The following SCFD2 variants were observed in gnomAD, a reference collection of about 807,000 sequenced individuals.
SCFD2 encodes the protein sec1 family domain-containing protein 2.
A neutral mutation model predicts 58.9 loss-of-function variants in SCFD2; 54 were observed. That is an observed-to-expected ratio of 0.92 (90% CI 0.74 to 1.15). SCFD2 has a LOEUF of 1.15. Ranked by LOEUF, SCFD2 falls within the 50% of genes most tolerant of loss-of-function variation. The pLI is 0.00. For missense variants in SCFD2, 805 were observed against 836.6 expected (o/e 0.96, Z 0.47); for synonymous variants, 321 against 335.9 (o/e 0.96, Z 0.49).
At chr4:53,236,603 A>G (rs189626613) in intron 4 of SCFD2, among the ~76,000 whole-genome samples, 3 of 150,434 alleles carry the variant, frequency 2.0e-5, no homozygotes, top group Admixed American at 2.0e-4. Context: ...ACTAAATTGC[A>G]GTTCAAAATG....
At chr4:52,919,044 C>T (rs1719673419) in intron 6 of SCFD2, among the ~76,000 whole-genome samples, 1 of 152,188 alleles carries the variant, frequency 6.6e-6, no homozygotes, top group Non-Finnish European at 1.5e-5. Context: ...AAGGGAAACT[C>T]CATTTTCCAA....
intron 3 of SCFD2, among the ~76,000 whole-genome samples, chr4:53,280,946 AAC>A (rs1293355177): frequency 1.3e-5 from 2 of 152,186 alleles, no homozygotes; most frequent in Admixed American, 6.5e-5. Flanking sequence ...ACAGCAGCTA[AAC>A]ACAAAGTAAA....
intron 4 of SCFD2, among the ~76,000 whole-genome samples, chr4:53,176,721 G>A (rs191929299): frequency 2.5e-3 from 386 of 152,236 alleles, no homozygotes; most frequent in African/African-American, 8.8e-3. Context: ...AGTCCAAGGC[G>A]GGTGAATCAC....
intron 4 of SCFD2, among the ~76,000 whole-genome samples, chr4:53,231,450 GGT>G (rs1191301175): frequency 6.6e-6 from 1 of 152,136 alleles, no homozygotes; most frequent in Non-Finnish European, 1.5e-5. Context: ...TCCATTTGGA[GGT>G]CATTTCATAA....
chr4:53,235,084 G>T (rs1577874387), intron 4 of SCFD2, among the ~76,000 whole-genome samples: 1 of 152,220 alleles, frequency 6.6e-6, no homozygotes, highest in African/African-American at 2.4e-5. Context: ...CAGGAAGAAA[G>T]GGGATAAGGG....
At chr4:53,038,049 G>T (rs1722807673) in intron 5 of SCFD2, among the ~76,000 whole-genome samples, 1 of 152,056 alleles carries the variant, frequency 6.6e-6, no homozygotes, top group African/African-American at 2.4e-5. Context: ...GTGGTGCTCT[G>T]GATCCTTCTA....
At chr4:53,053,605 T>A (rs1245254274) in intron 5 of SCFD2, among the ~76,000 whole-genome samples, 1 of 152,098 alleles carries the variant, frequency 6.6e-6, no homozygotes, top group Admixed American at 6.6e-5. Context: ...TCCGATCATA[T>A]GGCTCTCCCT....
At chr4:53,215,754 C>T (rs1022735181) in intron 4 of SCFD2, among the ~76,000 whole-genome samples, 1 of 152,056 alleles carries the variant, frequency 6.6e-6, no homozygotes. Flanking sequence ...CCAGTTTTTG[C>T]CCATTCAGTA....
chr4:53,271,551 C>G (rs1200314451), intron 4 of SCFD2, among the ~76,000 whole-genome samples: 1 of 151,906 alleles, frequency 6.6e-6, no homozygotes, highest in Non-Finnish European at 1.5e-5. Context: ...CAACCTCTGC[C>G]TCCCAGGTTC....
intron 6 of SCFD2, among the ~76,000 whole-genome samples, chr4:52,920,194 T>C (rs28678012): frequency 0.052 from 7,946 of 152,296 alleles, 245 homozygotes; most frequent in South Asian, 0.13. Context: ...ATACCATCTC[T>C]TTACTCAATG....
intron 4 of SCFD2, among the ~76,000 whole-genome samples, chr4:53,272,723 G>C (rs979675954): frequency 2.8e-4 from 42 of 152,046 alleles, no homozygotes; most frequent in Non-Finnish European, 5.4e-4. Flanking sequence ...AAGGGGAGAG[G>C]GATAGCATTA....
chr4:53,330,147 T>C (rs1443169009), intron 2 of SCFD2, among the ~76,000 whole-genome samples: 1 of 152,074 alleles, frequency 6.6e-6, no homozygotes, highest in African/African-American at 2.4e-5. Flanking sequence ...ATGGGGAGAA[T>C]GGAACCAAGT....
chr4:52,969,317 C>A (rs546580816), intron 5 of SCFD2, among the ~76,000 whole-genome samples: 3 of 152,330 alleles, frequency 2.0e-5, no homozygotes, highest in African/African-American at 7.2e-5. Context: ...TAGTAAGTAT[C>A]ATTGAATAAT....
At chr4:53,346,658 G>C (rs1249853194) in intron 2 of SCFD2, among the ~76,000 whole-genome samples, 1 of 152,062 alleles carries the variant, frequency 6.6e-6, no homozygotes, top group Non-Finnish European at 1.5e-5. Context: ...AAAGTGTCAG[G>C]GCACATCTCC....
chr4:53,065,877 T>G (rs1363051980), intron 5 of SCFD2, among the ~76,000 whole-genome samples: 2 of 152,070 alleles, frequency 1.3e-5, no homozygotes, highest in Admixed American at 1.3e-4. Context: ...GATTGCTGAC[T>G]GAGGTTTAAA....
At chr4:53,065,928 A>G (rs1388275191) in intron 5 of SCFD2, among the ~76,000 whole-genome samples, 2 of 152,082 alleles carry the variant, frequency 1.3e-5, no homozygotes, top group Non-Finnish European at 2.9e-5. Flanking sequence ...AAAATACCAC[A>G]TGCTTTTCAT....
At chr4:53,146,391 T>G (rs1019971815) in intron 4 of SCFD2, among the ~76,000 whole-genome samples, 1 of 152,180 alleles carries the variant, frequency 6.6e-6, no homozygotes, top group African/African-American at 2.4e-5. Flanking sequence ...TTAACTCCTC[T>G]TAAAATATAA....
Position 53,354,494 on chromosome 4 carries a change from C to T in SCFD2, c.839-1728G>A, listed in dbSNP as rs558349567. ...CCCGGCAAGCCAAGTGAGCTGGCTC[C>T]GGCCTCAACCAGCCCAGAGAGGGGC... is the stretch of plus-strand genomic sequence containing the variant. On this transcript the variant is annotated intron_variant, in intron 1 of 8. Coordinates refer to ENST00000401642, the MANE Select transcript of SCFD2 (RefSeq NM_152540.4). 9.5e-4 allele frequency among the ~76,000 whole-genome samples: 144 copies of T among 152,322 alleles called. 2 individuals carry two copies. The South Asian group carries it at 0.025, about 27-fold the overall frequency.
At chr4:53,177,505 A>G (rs1727377197) in intron 4 of SCFD2, among the ~76,000 whole-genome samples, 2 of 152,240 alleles carry the variant, frequency 1.3e-5, no homozygotes, top group Admixed American at 6.5e-5. Context: ...ATAAAAAACA[A>G]TAAGAAATGA....
Sources: gnomAD v4.1 joint callset for allele counts (sites outside exome capture counted in the v4.1 genomes callset) on GRCh38, gnomAD v4.1.1 for gene constraint, MANE v1.5 for transcripts, NCBI Gene and HGNC (gene_info 2026-07-23, HGNC 2026-07-21) for gene names.